The following NAV3 variants were observed in gnomAD, a reference collection of about 807,000 sequenced individuals.
The protein encoded by NAV3 is pore membrane and/or filament interacting like protein 1.
Under a neutral mutation model 244.7 loss-of-function variants are expected in NAV3, and 87 were observed. The observed-to-expected ratio is 0.36, with a 90% CI of 0.30 to 0.42. The LOEUF (loss-of-function observed/expected upper bound fraction) is 0.42, where lower values mean the gene tolerates loss of function less well. NAV3 is among the 20% of genes least tolerant of loss of function. The pLI is 1.00. For missense variants in NAV3, 2,663 were observed against 2,893.3 expected, an observed-to-expected ratio of 0.92 and a Z score of 1.83; for synonymous variants, 1,126 against 1,042.2, an observed-to-expected ratio of 1.08 and a Z score of -1.55.
In NAV3 at chr12:77,831,615, C is replaced by T. The variant is rs779779441; in HGVS notation, c.154C>T (p.Leu52Phe). The T allele has an allele frequency of 2.5e-6, 4 of 1,614,036 alleles. No individual in the cohort carries two copies. The highest frequency in any genetic ancestry group is 3.4e-6 in the Non-Finnish European group (4 of 1,179,960). Residue 52 changes from leucine to phenylalanine, a missense_variant, in exon 1 of 40, where the codon CTT (leucine) becomes TTT (phenylalanine). Physicochemically the swap from Leu to Phe is conservative, Grantham distance 22. Coordinates refer to ENST00000397909, the MANE Select transcript of NAV3 (RefSeq NM_001024383.2). ...LELTETESSM[L>F]SCQLALKSTC... is the part of the protein sequence containing the mutation. ...ACTTACTGAAACAGAGAGCTCCATG[C>T]TTTCTTGTCAGCTTGCGTTAAAATC...
intron 5 of NAV3, among the ~76,000 whole-genome samples, chr12:77,980,791 G>A (rs1183330247): frequency 6.6e-6 from 1 of 152,142 alleles, no homozygotes; most frequent in African/African-American, 2.4e-5. Context: ...CTAATTTATG[G>A]TGATATTGTA....
In NAV3 at chr12:78,185,717, A is replaced by G. The variant is rs1958684419; in HGVS notation, c.5790+19A>G. 4 of 1,573,920 alleles carry G rather than the reference A, an allele frequency of 2.5e-6. 1 individual carries two copies. Among genetic ancestry groups the G allele is most frequent in the South Asian group, 1.1e-5 (1 of 89,584 alleles). On this transcript the variant is annotated intron_variant, in intron 31 of 39. Transcript: ENST00000397909. Reference sequence around the variant, plus strand: ...AGCAAAGGTACTTCTTTAATCTTAAACTCTTTATTACTAACAATGAGAATT... The same window carrying G: ...AGCAAAGGTACTTCTTTAATCTTAAGCTCTTTATTACTAACAATGAGAATT...
At chr12:77,888,102 A>G (rs1229179396) in intron 1 of NAV3, among the ~76,000 whole-genome samples, 1 of 151,686 alleles carries the variant, frequency 6.6e-6, no homozygotes, top group Non-Finnish European at 1.5e-5. Context: ...GTAAAATATG[A>G]TGATTTTAAC....
intron 2 of NAV3, among the ~76,000 whole-genome samples, chr12:77,823,473 A>T (rs1346561821): frequency 6.6e-6 from 1 of 152,226 alleles, no homozygotes; most frequent in Non-Finnish European, 1.5e-5. Context: ...CACTCACACA[A>T]GGTTGGGAAT....
At chr12:77,997,653 C>T (rs902875173) in intron 6 of NAV3, among the ~76,000 whole-genome samples, 3 of 152,210 alleles carry the variant, frequency 2.0e-5, no homozygotes, top group South Asian at 2.1e-4. Flanking sequence ...TTTCTTGTCA[C>T]GTCTCCTCTG....
chr12:77,632,075 T>G (rs967506557), intron 2 of NAV3, among the ~76,000 whole-genome samples: 4 of 131,588 alleles, frequency 3.0e-5, no homozygotes, highest in Admixed American at 7.3e-5. Flanking sequence ...TGAGTTGAGG[T>G]GGGTTCATAT....
rs141559482 is a variant in NAV3 at position 77,744,304 on chromosome 12, C to G, written c.72+172038C>G. The stretch of plus-strand genomic sequence containing the variant: ...TTGATTTTTGACAATGATGCCAAGG[C>G]AATTCTATGAGACAAGGAAAGATTT... On this transcript the variant is annotated intron_variant, in intron 2 of 8. Transcript: ENST00000550042. Among the ~76,000 whole-genome samples, 968 of 152,044 alleles carry G rather than the reference C, an allele frequency of 6.4e-3. 8 individuals are homozygous for G. Among genetic ancestry groups the G allele is most frequent in the African/African-American group, 0.021 (876 of 41,546 alleles).
At chr12:77,894,648 T>C (rs149530637) in intron 1 of NAV3, among the ~76,000 whole-genome samples, 1 of 152,272 alleles carries the variant, frequency 6.6e-6, no homozygotes, top group East Asian at 1.9e-4. Flanking sequence ...TAAATGTCTA[T>C]GAAGATAAGA....
At chr12:77,929,247 T>TA (rs1420965175) in intron 1 of NAV3, among the ~76,000 whole-genome samples, 1 of 152,208 alleles carries the variant, frequency 6.6e-6, no homozygotes, top group East Asian at 1.9e-4. Context: ...CAAACCGTTT[T>TA]AAAAAATAAT....
At chr12:77,752,376 C>G (rs556888652) in intron 2 of NAV3, among the ~76,000 whole-genome samples, 2 of 152,120 alleles carry the variant, frequency 1.3e-5, no homozygotes, top group Non-Finnish European at 2.9e-5. Context: ...CAACTACTAC[C>G]TGAATGTACA....
chr12:77,672,184 G>A (rs1301310696), intron 2 of NAV3, among the ~76,000 whole-genome samples: 2 of 152,256 alleles, frequency 1.3e-5, no homozygotes, highest in Middle Eastern at 3.4e-3. Context: ...TCAGGGAAAT[G>A]CAAATCAAAA....
At chr12:78,141,713 G>T (rs1472040610) in intron 20 of NAV3, among the ~76,000 whole-genome samples, 1 of 152,022 alleles carries the variant, frequency 6.6e-6, no homozygotes, top group African/African-American at 2.4e-5. Context: ...TAGTTTTTAG[G>T]TAAATGTACT....
chr12:77,844,187 G>A (rs1022515884), intron 1 of NAV3, among the ~76,000 whole-genome samples: 7 of 152,154 alleles, frequency 4.6e-5, no homozygotes, highest in Admixed American at 3.9e-4. Context: ...CGGCAGGTTT[G>A]GTGTCTGGTA....
At chr12:78,117,195 A>ATG (rs1955439294) in intron 13 of NAV3, among the ~76,000 whole-genome samples, 2 of 73,744 alleles carry the variant, frequency 2.7e-5, no homozygotes, top group Admixed American at 3.1e-4. Context: ...ATATATATAT[A>ATG]TGATATACAT....
In NAV3 at chr12:78,051,036, G is replaced by A. The variant is rs558608455; in HGVS notation, c.2405G>A (p.Ser802Asn). Reference sequence around the variant, plus strand: ...GGAAACATGTCACAGATTGACATGAGTGAGAAAGCAAGCAGTGACCTGGAC... The same window carrying A: ...GGAAACATGTCACAGATTGACATGAATGAGAAAGCAAGCAGTGACCTGGAC... ...RLGNMSQIDM[S>N]EKASSDLDMS... The change falls in exon 11 of 40, where the codon AGT (serine) becomes AAT (asparagine). Residue 802 changes from serine (S) to asparagine (N), a missense_variant. This residue lies in a region of NAV3 where 1,521 missense variants were observed against 1,497.0 expected (regional missense o/e 1.02). Coordinates refer to ENST00000397909, the MANE Select transcript of NAV3 (RefSeq NM_001024383.2). The A allele has an allele frequency of 6.2e-7, 1 of 1,614,156 alleles. No homozygotes were observed. Among genetic ancestry groups the A allele is most frequent in the Non-Finnish European group, 8.5e-7 (1 of 1,180,040 alleles).
At chr12:78,148,413 C>A (rs1183044016) in intron 21 of NAV3, among the ~76,000 whole-genome samples, 1 of 151,508 alleles carries the variant, frequency 6.6e-6, no homozygotes, top group African/African-American at 2.4e-5. Flanking sequence ...GAAAAAAAAA[C>A]CTAAGATTTT....
At chr12:78,001,991 T>G (rs544894158) in intron 7 of NAV3, among the ~76,000 whole-genome samples, 1 of 152,182 alleles carries the variant, frequency 6.6e-6, no homozygotes, top group Non-Finnish European at 1.5e-5. Context: ...TAGACAGATA[T>G]ATGTTCCGAA....
Position 77,968,608 on chromosome 12 carries a change from T to C in NAV3, c.577T>C (p.Tyr193His). ...KQQQHHQQQY[Y>H]QSLVELQQRV... ...GCAACAACACCATCAACAACAGTAC[T>C]ATCAGTCCTTGGTGGAACTTCAGCA... The change falls in exon 5 of 40, where the codon TAT (tyrosine) becomes CAT (histidine). Residue 193 changes from tyrosine (Y) to histidine (H), a missense_variant. Coordinates refer to ENST00000397909, the MANE Select transcript of NAV3 (RefSeq NM_001024383.2). 1.9e-6 allele frequency: 3 copies of C among 1,614,138 alleles called. No individual in the cohort carries two copies. The highest frequency in any genetic ancestry group is 2.5e-6 in the Non-Finnish European group (3 of 1,180,008).
In NAV3 at chr12:77,584,191, C is replaced by T. The variant is rs181032233; in HGVS notation, c.72+11925C>T. ...CAGTCAGCCTCTACCAGGTCAGGGACATTGCTTGTCTCATTCATCCTCGTA... is the reference window on the plus strand; with the variant it reads ...CAGTCAGCCTCTACCAGGTCAGGGATATTGCTTGTCTCATTCATCCTCGTA... On this transcript the variant is annotated intron_variant, in intron 2 of 8. Transcript: ENST00000550042. 6.6e-5 allele frequency among the ~76,000 whole-genome samples: 10 copies of T among 152,282 alleles called. No homozygotes were observed. The East Asian group carries it at 1.7e-3, about 26-fold the overall frequency.
Sources: gnomAD v4.1 joint callset for allele counts (sites outside exome capture counted in the v4.1 genomes callset) on GRCh38, gnomAD v4.1.1 for gene constraint, gnomAD v4.1.1 regional missense constraint, MANE v1.5 for transcripts, NCBI Gene and HGNC (gene_info 2026-07-23, HGNC 2026-07-21) for gene names.